Variants in FLACC1 observed in about 807,000 individuals in gnomAD.
FLACC1 encodes the protein flagellum-associated coiled-coil domain-containing protein 1.
FLACC1 carries 66 observed loss-of-function variants against 62.8 expected under a neutral mutation model. The observed-to-expected ratio is 1.05, with a 90% CI of 0.86 to 1.29. The LOEUF (loss-of-function observed/expected upper bound fraction) is 1.29, where lower values mean the gene tolerates loss of function less well. Among genes scored for constraint, FLACC1 ranks in the 50% most tolerant of loss-of-function variants. The pLI is 0.00. For synonymous variants in FLACC1, 156 were observed against 161.0 expected, an observed-to-expected ratio of 0.97 and a Z score of 0.24; for missense variants, 452 against 489.1, an observed-to-expected ratio of 0.92 and a Z score of 0.71.
chr2:201,292,574 T>C (rs1362367788), intron 12 of FLACC1, among the ~76,000 whole-genome samples: 3 of 152,078 alleles, frequency 2.0e-5, no homozygotes, highest in Non-Finnish European at 2.9e-5. Flanking sequence ...CAAAAACATG[T>C]CAAATTGTAA....
intron 11 of FLACC1, among the ~76,000 whole-genome samples, chr2:201,300,777 T>C (rs1321543207): frequency 6.6e-6 from 1 of 152,168 alleles, no homozygotes; most frequent in Non-Finnish European, 1.5e-5. Flanking sequence ...GTATCTGCAG[T>C]TCTACAGCCT....
chr2:201,348,657 C>A (rs1309638814), intron 3 of FLACC1, among the ~76,000 whole-genome samples: 1 of 151,750 alleles, frequency 6.6e-6, no homozygotes, highest in Non-Finnish European at 1.5e-5. Context: ...CAAACGGGCA[C>A]ACACACACTC....
At chr2:201,290,066 C>T (rs1470673739) in intron 12 of FLACC1, among the ~76,000 whole-genome samples, 2 of 152,104 alleles carry the variant, frequency 1.3e-5, no homozygotes, top group Non-Finnish European at 2.9e-5. Flanking sequence ...AATTATATGA[C>T]ACTCTGGAAA....
chr2:201,327,546 C>T (rs1418986316), intron 9 of FLACC1, among the ~76,000 whole-genome samples: 1 of 151,960 alleles, frequency 6.6e-6, no homozygotes, highest in Admixed American at 6.6e-5. Flanking sequence ...AAATGGCCAA[C>T]AAACATGAAA....
At chr2:201,358,510 G>A (rs1459746778), upstream of FLACC1, among the ~76,000 whole-genome samples, 3 of 147,676 alleles carry the variant, frequency 2.0e-5, no homozygotes, top group African/African-American at 7.6e-5. Flanking sequence ...TCCGCCTCCC[G>A]GGTTCACGCC....
chr2:201,342,232 G>T (rs1229402302), intron 7 of FLACC1, 138 bp downstream of exon 7: 5 of 789,884 alleles, frequency 6.3e-6, no homozygotes, highest in Non-Finnish European at 8.3e-6. Context: ...AAAGACACGT[G>T]TCTTGTTCAT....
At chr2:201,362,191 A>T (rs771423063), upstream of FLACC1, among the ~76,000 whole-genome samples, 1 of 152,232 alleles carries the variant, frequency 6.6e-6, no homozygotes, top group African/African-American at 2.4e-5. Context: ...AAACACATCC[A>T]CTAGTAGTCA....
intron 9 of FLACC1, among the ~76,000 whole-genome samples, chr2:201,319,740 G>T (rs1950368406): frequency 1.3e-5 from 2 of 152,188 alleles, no homozygotes; most frequent in Non-Finnish European, 2.9e-5. Context: ...AAGTTTGTTT[G>T]TGTTTTTCCA....
intron 3 of FLACC1, 75 bp from the exon 4 acceptor site, chr2:201,348,377 G>T: frequency 6.8e-7 from 1 of 1,474,834 alleles, no homozygotes; most frequent in South Asian, 1.2e-5. Context: ...TGAACCCTGA[G>T]GCCGCCACCA....
intron 10 of FLACC1, among the ~76,000 whole-genome samples, 196 bp downstream of exon 10, chr2:201,308,955 C>A (rs1234850044): frequency 6.6e-6 from 1 of 152,154 alleles, no homozygotes; most frequent in Non-Finnish European, 1.5e-5. Flanking sequence ...AGATCAGATG[C>A]CTGAACTTCA....
chr2:201,338,961 A>AT (rs1197877015), intron 7 of FLACC1, among the ~76,000 whole-genome samples: 1 of 152,032 alleles, frequency 6.6e-6, no homozygotes, highest in Non-Finnish European at 1.5e-5. Context: ...TCCTCTTCAA[A>AT]TTTTTTTGAA....
intron 11 of FLACC1, among the ~76,000 whole-genome samples, chr2:201,303,538 C>T (rs1330293240): frequency 6.6e-6 from 1 of 152,162 alleles, no homozygotes; most frequent in Non-Finnish European, 1.5e-5. Flanking sequence ...GAAACTATTG[C>T]AATCAATAGA....
intron 9 of FLACC1, among the ~76,000 whole-genome samples, chr2:201,323,335 G>T (rs1950439762): frequency 6.6e-6 from 1 of 152,170 alleles, no homozygotes. Flanking sequence ...TCTAAGAGCA[G>T]TAAGACAAAA....
chr2:201,314,467 A>G (rs1467495053), intron 9 of FLACC1, among the ~76,000 whole-genome samples: 1 of 152,206 alleles, frequency 6.6e-6, no homozygotes, highest in Non-Finnish European at 1.5e-5. Context: ...AGGTTTTTGA[A>G]TTAACCCAAT....
upstream of FLACC1, among the ~76,000 whole-genome samples, chr2:201,359,938 G>C (rs1341161613): frequency 3.6e-5 from 4 of 111,962 alleles, no homozygotes; most frequent in Admixed American, 1.7e-4. Context: ...CCTTTCTTAT[G>C]ATTAAAAAAA....
chr2:201,301,653 A>G (rs1483381942), intron 11 of FLACC1, among the ~76,000 whole-genome samples: 1 of 151,438 alleles, frequency 6.6e-6, no homozygotes, highest in Non-Finnish European at 1.5e-5. Context: ...GTTGAAATGA[A>G]GGAAAAAATG....
At chr2:201,302,031 T>A (rs1181479373) in intron 11 of FLACC1, among the ~76,000 whole-genome samples, 2 of 152,214 alleles carry the variant, frequency 1.3e-5, no homozygotes, top group African/African-American at 4.8e-5. Context: ...CATCAACTAA[T>A]GAACAGATAA....
At chr2:201,337,230 CT>C (rs1344365883) in intron 7 of FLACC1, among the ~76,000 whole-genome samples, 1 of 152,148 alleles carries the variant, frequency 6.6e-6, no homozygotes, top group African/African-American at 2.4e-5. Flanking sequence ...GTCCTGAAGA[CT>C]TTTCCCTAGG....
At chr2:201,313,467 C>A (rs750256416) in intron 9 of FLACC1, among the ~76,000 whole-genome samples, 2 of 152,192 alleles carry the variant, frequency 1.3e-5, no homozygotes, top group South Asian at 4.1e-4. Flanking sequence ...ACAACCTGCA[C>A]GACACAGCAG....
Sources: allele counts gnomAD v4.1 joint callset (sites outside exome capture counted in the v4.1 genomes callset), GRCh38; gene constraint gnomAD v4.1.1; transcripts MANE v1.5; gene names NCBI Gene and HGNC (gene_info 2026-07-23, HGNC 2026-07-21).